Variants in CSMD2 observed in about 807,000 individuals in gnomAD.
CSMD2 encodes CUB and sushi domain-containing protein 2.
Under a neutral mutation model 398.5 loss-of-function variants are expected in CSMD2, and 130 were observed. The ratio of observed to expected loss-of-function variants is 0.33; its 90% CI spans 0.28 to 0.38. The LOEUF (loss-of-function observed/expected upper bound fraction) is 0.38. CSMD2 is among the 10% of genes least tolerant of loss of function. The pLI is 1.00. For synonymous variants in CSMD2, 1,828 were observed against 1,908.5 expected, an observed-to-expected ratio of 0.96 and a Z score of 1.10; for missense variants, 3,829 against 4,764.9, an observed-to-expected ratio of 0.80 and a Z score of 5.78.
In CSMD2 at chr1:33,918,129, A is replaced by G. The variant is rs753652100; in HGVS notation, c.885T>C (p.Phe295=). 1.2e-6 allele frequency: 2 copies of G among 1,614,040 alleles called. No homozygotes were observed. The highest frequency in any genetic ancestry group is 3.3e-5 in the Admixed American group (2 of 60,018). ...AGCCTTCTGTCCCAGTGACTTCCAG[A>G]AAGTCGTAACCATCCTCCAGCTGGA... ...IDFQLEDGYD[F]LEVTGTEGSS... Residue 295 remains phenylalanine (F), a synonymous_variant, in exon 5 of 71, where the codon TTT becomes TTC. Transcript: ENST00000373381.
At chr1:33,539,438 A>C (rs1275800966) in intron 60 of CSMD2, among the ~76,000 whole-genome samples, 1 of 152,234 alleles carries the variant, frequency 6.6e-6, no homozygotes, top group Non-Finnish European at 1.5e-5. Flanking sequence ...TTGATAAAGA[A>C]AGGTAGAAAG....
At chr1:34,094,819 A>T (rs979485884) in intron 1 of CSMD2, among the ~76,000 whole-genome samples, 8 of 151,684 alleles carry the variant, frequency 5.3e-5, no homozygotes, top group African/African-American at 1.9e-4. Flanking sequence ...GGGAGACTTT[A>T]ACACCCCACT....
chr1:33,643,642 G>A (rs149781345), intron 29 of CSMD2, among the ~76,000 whole-genome samples: 1 of 152,278 alleles, frequency 6.6e-6, no homozygotes, highest in African/African-American at 2.4e-5. Context: ...TTGTTTCAGG[G>A]CATACAGTTA....
chr1:34,054,340 A>T (rs2148235420), intron 2 of CSMD2, among the ~76,000 whole-genome samples: 1 of 152,312 alleles, frequency 6.6e-6, no homozygotes, highest in South Asian at 2.1e-4. Flanking sequence ...CCAGAATCCA[A>T]AAAGTTTCTT....
chr1:33,831,768 T>C (rs1659596427), intron 6 of CSMD2, among the ~76,000 whole-genome samples: 1 of 151,776 alleles, frequency 6.6e-6, no homozygotes, highest in Non-Finnish European at 1.5e-5. Flanking sequence ...AGGAAACCCA[T>C]CTCACGTGCA....
intron 19 of CSMD2, among the ~76,000 whole-genome samples, chr1:33,722,828 G>A (rs1646402095): frequency 2.0e-5 from 3 of 151,068 alleles, no homozygotes; most frequent in South Asian, 2.1e-4. Context: ...TTTAAAGTAC[G>A]TGCCCACCTG....
At chr1:33,819,446 T>C (rs1011480791) in intron 9 of CSMD2, among the ~76,000 whole-genome samples, 2 of 152,222 alleles carry the variant, frequency 1.3e-5, no homozygotes, top group African/African-American at 4.8e-5. Flanking sequence ...GTTTCTTACG[T>C]GCCTCACCCA....
chr1:33,918,565 A>T (rs965980225), intron 4 of CSMD2, among the ~76,000 whole-genome samples: 1 of 152,206 alleles, frequency 6.6e-6, no homozygotes, highest in Non-Finnish European at 1.5e-5. Context: ...TCAGGGAAGA[A>T]GGAACCAAAT....
At chr1:33,840,080 TA>T (rs1196127564) in intron 6 of CSMD2, 1 of 152,220 alleles carries the variant, frequency 6.6e-6, no homozygotes, top group African/African-American at 2.4e-5. Flanking sequence ...CTGGAATTCC[TA>T]AAGAAGAGAA....
At chr1:33,806,968 A>G (rs1028441150) in intron 10 of CSMD2, among the ~76,000 whole-genome samples, 1 of 152,240 alleles carries the variant, frequency 6.6e-6, no homozygotes, top group African/African-American at 2.4e-5. Flanking sequence ...ACATTTTCCC[A>G]AGCTGATGAA....
At chr1:33,532,562 G>T (rs999760275) in intron 64 of CSMD2, among the ~76,000 whole-genome samples, 1 of 152,110 alleles carries the variant, frequency 6.6e-6, no homozygotes, top group Non-Finnish European at 1.5e-5. Flanking sequence ...CTGATAACGT[G>T]TCTGTCTTCC....
chr1:33,930,037 T>G (rs1201585852), intron 4 of CSMD2, among the ~76,000 whole-genome samples: 1 of 152,248 alleles, frequency 6.6e-6, no homozygotes, highest in Non-Finnish European at 1.5e-5. Flanking sequence ...TTCTGCCTCC[T>G]GGCTGCTAGA....
intron 57 of CSMD2, among the ~76,000 whole-genome samples, chr1:33,544,096 A>AT (rs1271906101): frequency 1.1e-4 from 15 of 131,196 alleles, no homozygotes; most frequent in African/African-American, 4.3e-4. Flanking sequence ...GATGTTCCAT[A>AT]TTTGTCTTTT....
chr1:33,740,907 A>C (rs1647039138), intron 14 of CSMD2, among the ~76,000 whole-genome samples: 1 of 152,134 alleles, frequency 6.6e-6, no homozygotes. Context: ...CTGGGAGCAA[A>C]AGCTCTGAGT....
rs774809580 is a variant in CSMD2, at chr1:33,519,840, C to T, written c.10708G>A (p.Gly3570Ser). ...TGCTTGTAGAGATAGAGCACGAAGC[C>T]CGCAATAATGAGGGCGATGAAAGGC... Reference protein sequence around the residue: ...LVPFIALIIAGFVLYLYKHRR... With the variant: ...LVPFIALIIASFVLYLYKHRR... The change falls in exon 69 of 71, where the codon GGC (glycine) becomes AGC (serine). Residue 3570 changes from glycine to serine, a missense_variant. Transcript: ENST00000373381. The surrounding 1 kb of genome is among the most constrained non-coding windows in gnomAD (Gnocchi z 5.6). 1.9e-6 allele frequency: 3 copies of T among 1,613,948 alleles called. No homozygotes were observed. Among genetic ancestry groups the T allele is most frequent in the Non-Finnish European group, 2.5e-6 (3 of 1,179,968 alleles).
Position 33,810,836 on chromosome 1 carries a change from G to A in CSMD2, c.1353C>T (p.Gly451=), listed in dbSNP as rs774760369. 4.3e-6 allele frequency: 7 copies of A among 1,612,592 alleles called. No homozygotes were observed. In the Admixed American group the frequency reaches 1.2e-4, roughly 27 times the overall value. ...TGGGGGAGGTGATGATGCCCGAGGG[G>A]CCTCGAAGGTGGGCATCACACATGC... The part of the protein sequence containing the change: ...RARMCDAHLR[G]PSGIITSPNF... The change falls in exon 10 of 71, where the codon GGC becomes GGT. Residue 451 remains glycine, a synonymous_variant. Coordinates refer to ENST00000373381, the MANE Select transcript of CSMD2 (RefSeq NM_001281956.2).
chr1:33,616,901 C>A lies in CSMD2; in HGVS notation c.6016+5G>T. 6.2e-7 allele frequency: 1 copy of A among 1,612,984 alleles called. No individual in the cohort carries two copies. Among genetic ancestry groups the A allele is most frequent in the Non-Finnish European group, 8.5e-7 (1 of 1,178,980 alleles). On this transcript the variant is annotated splice_donor_5th_base_variant and intron_variant, in intron 39 of 70. Transcript: ENST00000373381. ...GAATGAATTGTAAAGTCTGGGCTGT[C>A]TTACCAATACAGAGTGGAGGAGGGT...
At chr1:34,165,350 A>C, upstream of CSMD2, 2 of 1,190,276 alleles carry the variant, frequency 1.7e-6, no homozygotes, top group Non-Finnish European at 2.1e-6. Context: ...CCCCGGATTA[A>C]TCACTCCGGA....
chr1:33,700,376 T>C (rs1645571122), intron 23 of CSMD2, 141 bp downstream of exon 23: 2 of 810,548 alleles, frequency 2.5e-6, no homozygotes, highest in Admixed American at 5.2e-5. Flanking sequence ...TACCCATGCA[T>C]CCACTGATGG....
Sources: gnomAD v4.1 joint callset for allele counts (sites outside exome capture counted in the v4.1 genomes callset) on GRCh38, gnomAD v4.1.1 for gene constraint, Gnocchi (gnomAD v3.1) non-coding constraint, MANE v1.5 for transcripts, NCBI Gene and HGNC (gene_info 2026-07-23, HGNC 2026-07-21) for gene names.